HMSD: variants seen among roughly 807,000 people sequenced by gnomAD.
The protein encoded by HMSD is histocompatibility minor serpin domain containing, also known as serpin-like protein HMSD.
A neutral mutation model predicts 10.0 loss-of-function variants in HMSD; 13 were observed. That is an observed-to-expected ratio of 1.31 (90% CI 0.85 to 2.08). HMSD has a LOEUF of 2.08. Ranked by LOEUF, HMSD falls within the 30% of genes most tolerant of loss-of-function variation. HMSD has a pLI of 0.00. For missense variants in HMSD, 169 were observed against 166.3 expected (o/e 1.02, Z -0.09); for synonymous variants, 51 against 54.2 (o/e 0.94, Z 0.26).
At chr18:63,966,134 G>A (rs1419638299), downstream of HMSD, among the ~76,000 whole-genome samples, 1 of 152,186 alleles carries the variant, frequency 6.6e-6, no homozygotes, top group Non-Finnish European at 1.5e-5. Context: ...TGGAACACTG[G>A]CACAGCAGGG....
chr18:63,953,477 G>C lies in HMSD; in HGVS notation c.22G>C (p.Ala8Pro). Residue 8 changes from alanine (A) to proline (P), a missense_variant, in exon 2 of 4, where the codon GCC (alanine) becomes CCC (proline). Transcript: ENST00000408945. ...CCCCATGAGCATATCATCAGCCTTGGCCATGGTTTTCATGGGGGCAAAGGG... is the reference window on the plus strand; with the variant it reads ...CCCCATGAGCATATCATCAGCCTTGCCCATGGTTTTCATGGGGGCAAAGGG... MSISSALAMVFMGAKGNT... is the reference protein window; with the variant it reads MSISSALPMVFMGAKGNT... 1.9e-6 allele frequency: 3 copies of C among 1,613,932 alleles called. No individual in the cohort carries two copies. The highest frequency in any genetic ancestry group is 2.5e-6 in the Non-Finnish European group (3 of 1,179,884).
downstream of HMSD, among the ~76,000 whole-genome samples, chr18:63,962,870 C>A (rs2050391976): frequency 6.6e-6 from 1 of 152,020 alleles, no homozygotes; most frequent in African/African-American, 2.4e-5. Flanking sequence ...ATGGAGGGGG[C>A]AGAGGACTTG....
chr18:63,962,595 C>A (rs1022337343), downstream of HMSD, among the ~76,000 whole-genome samples: 2 of 152,156 alleles, frequency 1.3e-5, no homozygotes, highest in African/African-American at 4.8e-5. Flanking sequence ...ATTGCTACCC[C>A]CTCCAGGAGT....
downstream of HMSD, among the ~76,000 whole-genome samples, chr18:63,962,253 A>G (rs1452184435): frequency 1.3e-5 from 2 of 152,200 alleles, no homozygotes; most frequent in African/African-American, 4.8e-5. Flanking sequence ...TGTGGATCCA[A>G]TGTCTGGTAA....
downstream of HMSD, among the ~76,000 whole-genome samples, chr18:63,965,537 CT>C (rs1462566801): frequency 6.6e-6 from 1 of 152,124 alleles, no homozygotes; most frequent in South Asian, 2.1e-4. Flanking sequence ...TATCAGGAGC[CT>C]TTTTTTCTTT....
At chr18:63,966,082 C>T (rs1876454548), downstream of HMSD, among the ~76,000 whole-genome samples, 1 of 152,356 alleles carries the variant, frequency 6.6e-6, no homozygotes, top group South Asian at 2.1e-4. Flanking sequence ...CCAAGGCTTT[C>T]ACAAGGGATC....
downstream of HMSD, among the ~76,000 whole-genome samples, chr18:63,962,357 T>A (rs539553822): frequency 6.6e-6 from 1 of 152,306 alleles, no homozygotes; most frequent in East Asian, 1.9e-4. Flanking sequence ...CTTACCTATA[T>A]CAGCTCCTAC....
At chr18:63,957,272 G>A (rs1449602695) in intron 3 of HMSD, among the ~76,000 whole-genome samples, 2 of 150,514 alleles carry the variant, frequency 1.3e-5, no homozygotes, top group Non-Finnish European at 3.0e-5. Flanking sequence ...CAACATATGC[G>A]ATAGGGAAGG....
intron 3 of HMSD, among the ~76,000 whole-genome samples, chr18:63,967,742 AG>A (rs1346605079): frequency 6.6e-6 from 1 of 152,174 alleles, no homozygotes; most frequent in African/African-American, 2.4e-5. Context: ...GCAAGAAGAC[AG>A]AAGATGAGGC....
downstream of HMSD, among the ~76,000 whole-genome samples, chr18:63,963,099 T>TTTCTTTC (rs1568261316): frequency 3.8e-5 from 5 of 132,488 alleles, no homozygotes; most frequent in Admixed American, 1.4e-4. Context: ...CTTTCTTTCT[T>TTTCTTTC]TCTTTCTTTC....
intron 3 of HMSD, 56 bp from the exon 4 acceptor site, chr18:63,960,102 G>C: frequency 6.8e-7 from 1 of 1,478,406 alleles, no homozygotes. Context: ...GAAGAAGTAA[G>C]CCAGTGATAT....
chr18:63,961,983 T>C (rs937133042), downstream of HMSD: 3 of 152,232 alleles, frequency 2.0e-5, no homozygotes, highest in Admixed American at 6.5e-5. Flanking sequence ...ATTCCATGTG[T>C]TTTGTGAAAT....
downstream of HMSD, among the ~76,000 whole-genome samples, chr18:63,963,217 T>A: frequency 1.3e-5 from 1 of 78,594 alleles, no homozygotes; most frequent in African/African-American, 8.6e-5. Context: ...CCTTCCTTCC[T>A]TCCTTCCTTG....
chr18:63,963,072 TCTTTC>T (rs751086655), downstream of HMSD, among the ~76,000 whole-genome samples: 12 of 46,994 alleles, frequency 2.6e-4, no homozygotes, highest in Non-Finnish European at 6.1e-4. Context: ...CTTTTCTTTC[TCTTTC>T]TTTCTTTCTT....
downstream of HMSD, among the ~76,000 whole-genome samples, chr18:63,963,622 G>T (rs2050399393): frequency 6.6e-6 from 1 of 152,202 alleles, no homozygotes; most frequent in African/African-American, 2.4e-5. Context: ...AAGGATTCTG[G>T]AGAGGATCAG....
intron 2 of HMSD, 46 bp downstream of exon 2, chr18:63,953,573 C>T: frequency 6.8e-7 from 1 of 1,460,450 alleles, no homozygotes; most frequent in Non-Finnish European, 9.6e-7. Flanking sequence ...ATCAATTTAT[C>T]AGTTGAGCTG....
chr18:63,956,399 A>G (rs1293978964), intron 3 of HMSD, among the ~76,000 whole-genome samples: 2 of 152,060 alleles, frequency 1.3e-5, no homozygotes, highest in African/African-American at 4.8e-5. Flanking sequence ...AAACAACACA[A>G]CTCCATTAAA....
Position 63,953,627 on chromosome 18 carries a change from A to G in HMSD, c.72+100A>G, listed in dbSNP as rs187456361. On this transcript the variant is annotated intron_variant, in intron 2 of 3. Coordinates refer to ENST00000408945, the MANE Select transcript of HMSD (RefSeq NM_001123366.2). The stretch of plus-strand genomic sequence containing the variant: ...CTTGAAGAAATTCCTCCTTTAACAG[A>G]CAACTCTGGTAGTCTCACAGGATGT... 28 of 930,850 alleles carry G rather than the reference A, an allele frequency of 3.0e-5. No individual in the cohort carries two copies. In the African/African-American group the frequency reaches 4.3e-4, roughly 14 times the overall value. The allele number at this position is 930,850 out of a possible 1,614,324, so 57.7% of individuals were successfully genotyped here. A position where few individuals can be genotyped will look rare whatever the true frequency, so the allele number is the denominator to read the frequency against.
At chr18:63,965,773 G>A (rs551007312), downstream of HMSD, among the ~76,000 whole-genome samples, 1 of 152,324 alleles carries the variant, frequency 6.6e-6, no homozygotes, top group South Asian at 2.1e-4. Context: ...TATAAAGAAA[G>A]AAGGCTTATT....
Sources: allele counts gnomAD v4.1 joint callset (sites outside exome capture counted in the v4.1 genomes callset), GRCh38; gene constraint gnomAD v4.1.1; transcripts MANE v1.5; gene names NCBI Gene and HGNC (gene_info 2026-07-23, HGNC 2026-07-21).